Variants in ZDHHC20 observed in about 807,000 individuals in gnomAD.
ZDHHC20 encodes the protein zDHHC palmitoyltransferase 20, also known as palmitoyltransferase ZDHHC20.
Under a neutral mutation model 57.8 loss-of-function variants are expected in ZDHHC20, and 43 were observed. The ratio of observed to expected loss-of-function variants is 0.74; its 90% CI spans 0.58 to 0.96. ZDHHC20 has a LOEUF of 0.96. Ranked by LOEUF, ZDHHC20 falls within the 40% of genes least tolerant of loss-of-function variation. The pLI, the probability that ZDHHC20 is intolerant of heterozygous loss-of-function variation, is 0.00. For synonymous variants in ZDHHC20, 157 were observed against 153.0 expected (o/e 1.03, Z -0.19); for missense variants, 391 against 441.1 (o/e 0.89, Z 1.02).
At chr13:21,414,527 ATTTT>A (rs747307477) in intron 3 of ZDHHC20, among the ~76,000 whole-genome samples, 3 of 107,498 alleles carry the variant, frequency 2.8e-5, no homozygotes, top group Non-Finnish European at 6.1e-5. Flanking sequence ...TGCCCGGATA[ATTTT>A]TTTTTTTTTT....
At chr13:21,448,044 G>A (rs2138042590) in intron 1 of ZDHHC20, among the ~76,000 whole-genome samples, 1 of 118,928 alleles carries the variant, frequency 8.4e-6, no homozygotes, top group South Asian at 2.7e-4. Flanking sequence ...CCCTCTGCCT[G>A]GCAACCACCC....
chr13:21,381,847 G>C (rs1873479060), intron 10 of ZDHHC20: 9 of 570,848 alleles, frequency 1.6e-5, no homozygotes, highest in South Asian at 1.2e-4. Flanking sequence ...AGGAGCCATA[G>C]GTAGTACAAG....
intron 9 of ZDHHC20, among the ~76,000 whole-genome samples, chr13:21,385,529 A>G (rs897277225): frequency 1.3e-4 from 20 of 152,218 alleles, no homozygotes; most frequent in African/African-American, 4.8e-4. Flanking sequence ...GAACTTGTGG[A>G]TATTAGCAGT....
In ZDHHC20 at chr13:21,451,160, T is replaced by C. The variant is rs143226452; in HGVS notation, c.118+7894A>G. On this transcript the variant is annotated intron_variant, in intron 1 of 12. Coordinates refer to ENST00000400590, the MANE Select transcript of ZDHHC20 (RefSeq NM_001330059.2). The stretch of plus-strand genomic sequence containing the variant: ...ATAGGTTTTTTAAACCATGTCGGCA[T>C]AATTTCAAAGAATCACTGTTTCATA... Among the ~76,000 whole-genome samples, 35 of 152,342 alleles carry C rather than the reference T, an allele frequency of 2.3e-4. No homozygotes were observed. In the East Asian group the frequency reaches 6.5e-3, roughly 29 times the overall value.
At chr13:21,384,457 CAAAAA>C (rs11358320) in intron 9 of ZDHHC20, among the ~76,000 whole-genome samples, 1 of 76,138 alleles carries the variant, frequency 1.3e-5, no homozygotes, top group Non-Finnish European at 2.4e-5. Flanking sequence ...ACTCTATCTC[CAAAAA>C]AAAAAAAAAA....
intron 7 of ZDHHC20, among the ~76,000 whole-genome samples, chr13:21,398,387 C>A (rs1877132084): frequency 6.6e-6 from 1 of 151,824 alleles, no homozygotes; most frequent in South Asian, 2.1e-4. Context: ...TGGCATGAAC[C>A]CGGGAGGCGG....
intron 9 of ZDHHC20, among the ~76,000 whole-genome samples, chr13:21,385,900 G>A (rs534266220): frequency 6.6e-6 from 1 of 152,150 alleles, no homozygotes; most frequent in Non-Finnish European, 1.5e-5. Context: ...ATAAAGATGG[G>A]AGTCAGGCTG....
chr13:21,436,621 CT>C (rs1406729938), intron 1 of ZDHHC20, among the ~76,000 whole-genome samples: 4 of 152,210 alleles, frequency 2.6e-5, no homozygotes, highest in Non-Finnish European at 5.9e-5. Context: ...GTTTCTACCA[CT>C]CCACTGACCA....
intron 9 of ZDHHC20, among the ~76,000 whole-genome samples, chr13:21,384,215 G>A (rs1002662859): frequency 8.6e-5 from 13 of 151,736 alleles, no homozygotes; most frequent in Middle Eastern, 3.4e-3. Flanking sequence ...TGAGGCAGGC[G>A]GATCACTTGA....
At chr13:21,446,467 G>A (rs1883711176) in intron 1 of ZDHHC20, among the ~76,000 whole-genome samples, 1 of 152,164 alleles carries the variant, frequency 6.6e-6, no homozygotes, top group Non-Finnish European at 1.5e-5. Context: ...TGTTGAATTA[G>A]TATGTCCATA....
intron 1 of ZDHHC20, among the ~76,000 whole-genome samples, chr13:21,449,497 G>A (rs1308091591): frequency 1.3e-5 from 2 of 152,092 alleles, no homozygotes; most frequent in South Asian, 2.1e-4. Flanking sequence ...AAAGAGCTAA[G>A]GCAGAAGATG....
In ZDHHC20 at chr13:21,381,404, C is replaced by A. The variant is rs1450861003; in HGVS notation, c.1060+30G>T. ...TCTGGTGCTTTTCATTTGAACCAGA[C>A]AAAGCAGTGTTTCAAATGAGAACTA... On this transcript the variant is annotated intron_variant, in intron 11 of 12. Coordinates refer to ENST00000400590, the MANE Select transcript of ZDHHC20 (RefSeq NM_001330059.2). 9.3e-6 allele frequency: 14 copies of A among 1,503,502 alleles called. No homozygotes were observed. The East Asian group carries it at 2.7e-4, about 29-fold the overall frequency. 93.1% of individuals were successfully genotyped at this position (1,503,502 alleles called of 1,614,324 possible).
chr13:21,394,542 G>C (rs1946373925), intron 7 of ZDHHC20, among the ~76,000 whole-genome samples: 1 of 152,102 alleles, frequency 6.6e-6, no homozygotes, highest in Non-Finnish European at 1.5e-5. Flanking sequence ...CTGCCATACA[G>C]TAAGTACTAA....
chr13:21,427,632 G>A (rs1298818845), intron 1 of ZDHHC20, among the ~76,000 whole-genome samples: 1 of 151,958 alleles, frequency 6.6e-6, no homozygotes, highest in African/African-American at 2.4e-5. Context: ...TCAGGAATTC[G>A]AGACCAGCCT....
chr13:21,378,716 C>A lies in ZDHHC20; in HGVS notation c.1083G>T (p.Val361=). 3 of 1,461,202 alleles carry A rather than the reference C, an allele frequency of 2.1e-6. No individual in the cohort carries two copies. Among genetic ancestry groups the A allele is most frequent in the South Asian group, 3.1e-5 (2 of 64,336 alleles). The allele number at this position is 1,461,202 out of a possible 1,614,324, so 90.5% of individuals were successfully genotyped here. The part of the protein sequence containing the change: ...VKSGTNNHVT[V]AIEN ...CAAGTGGTACTCAATTTTCTATTGC[C>A]ACTGTTACATGGTTATTTGTCCCTG... The change falls in exon 12 of 13, where the codon GTG becomes GTT. Residue 361 remains valine, a synonymous_variant. Transcript: ENST00000400590.
Position 21,374,267 on chromosome 13 carries a change from C to G in ZDHHC20, c.*2429G>C, listed in dbSNP as rs1389403795. 4 of 285,336 alleles carry G rather than the reference C, an allele frequency of 1.4e-5. No homozygotes were observed. Among genetic ancestry groups the G allele is most frequent in the African/African-American group, 8.7e-5 (4 of 46,138 alleles). The allele number at this position is 285,336 out of a possible 1,614,324, so 17.7% of individuals were successfully genotyped here. A position where few individuals can be genotyped will look rare whatever the true frequency, so the allele number is the denominator to read the frequency against. On this transcript the variant is annotated 3_prime_UTR_variant, in exon 13 of 13. Coordinates refer to ENST00000400590, the MANE Select transcript of ZDHHC20 (RefSeq NM_001330059.2). The stretch of plus-strand genomic sequence containing the variant: ...TTGAGATGGAGTTTCACTCGTCGCC[C>G]AGGCTGGAGTGCAGTGGCACGATCT...
chr13:21,387,444 T>C (rs910087263), intron 9 of ZDHHC20, 64 bp downstream of exon 9: 1 of 1,293,746 alleles, frequency 7.7e-7, no homozygotes, highest in South Asian at 2.3e-5. Context: ...TCTGAAGACA[T>C]TTAACCAGAA....
At chr13:21,419,167 T>C (rs547359174) in intron 3 of ZDHHC20, among the ~76,000 whole-genome samples, 18 of 152,358 alleles carry the variant, frequency 1.2e-4, no homozygotes, top group Non-Finnish European at 2.6e-4. Flanking sequence ...AAATGGATAG[T>C]TTGTAACATA....
At chr13:21,386,858 A>C in intron 9 of ZDHHC20, among the ~76,000 whole-genome samples, 1 of 152,128 alleles carries the variant, frequency 6.6e-6, no homozygotes, top group East Asian at 1.9e-4. Flanking sequence ...TAATATCTAG[A>C]ATTTTATACC....
Sources: gnomAD v4.1 joint callset for allele counts (sites outside exome capture counted in the v4.1 genomes callset) on GRCh38, gnomAD v4.1.1 for gene constraint, MANE v1.5 for transcripts, NCBI Gene and HGNC (gene_info 2026-07-23, HGNC 2026-07-21) for gene names.